PP2D1: variants seen among roughly 807,000 people sequenced by gnomAD.
The protein encoded by PP2D1 is protein phosphatase 2C-like domain-containing protein 1.
In PP2D1, 25 loss-of-function variants were observed where a neutral mutation model predicts 30.2. That is an observed-to-expected ratio of 0.83 (90% CI 0.60 to 1.16). The LOEUF is 1.16. PP2D1 is among the 50% of genes most tolerant of loss of function. The pLI is 0.00. For missense variants in PP2D1, 760 were observed against 742.4 expected (o/e 1.02, Z -0.28); for synonymous variants, 260 against 258.9 (o/e 1.00, Z -0.04).
intron 2 of PP2D1, chr3:19,996,845 A>T (rs1320086224): frequency 6.6e-6 from 1 of 152,198 alleles, no homozygotes; most frequent in Admixed American, 6.5e-5. Flanking sequence ...AGGTTTAGCC[A>T]CGTTGTGATT....
In PP2D1 at chr3:19,986,116, C is replaced by T. The variant is rs1448034664; in HGVS notation, c.1157G>A (p.Arg386Gln). 8.5e-6 allele frequency: 13 copies of T among 1,535,622 alleles called. No individual in the cohort carries two copies. The highest frequency in any genetic ancestry group is 2.7e-5 in the African/African-American group (2 of 73,136). ...TATTCTTCTTCTTTCATTTGTGTTT[C>T]GTGTAGTATGTTCTTTGGTTAGGCA... The part of the protein sequence containing the change: ...GFCLTKEHTT[R>Q]NTNERRRILQ... Residue 386 changes from arginine (R) to glutamine (Q), a missense_variant, in exon 3 of 3, where the codon CGA (arginine) becomes CAA (glutamine). Physicochemically the swap from Arg to Gln is conservative, Grantham distance 43. Around this residue, in one of 3 missense-constraint regions of PP2D1, gnomAD observed 369 missense variants for 316.2 expected, o/e 1.17. Coordinates refer to ENST00000389050, the MANE Select transcript of PP2D1 (RefSeq NM_001252657.2).
At chr3:19,998,800 C>A (rs1300899597) in intron 2 of PP2D1, among the ~76,000 whole-genome samples, 2 of 151,984 alleles carry the variant, frequency 1.3e-5, no homozygotes, top group African/African-American at 4.8e-5. Context: ...ATAATTAATC[C>A]TGTTCTATAA....
chr3:19,981,613 CAA>C (rs11307995), downstream of PP2D1, among the ~76,000 whole-genome samples: 263 of 138,986 alleles, frequency 1.9e-3, no homozygotes, highest in Non-Finnish European at 2.8e-3. Context: ...GACTCCGCCT[CAA>C]AAAAAAAAAA....
At chr3:19,995,933 TATAAC>T (rs749259078) in intron 2 of PP2D1, among the ~76,000 whole-genome samples, 2 of 152,074 alleles carry the variant, frequency 1.3e-5, no homozygotes, top group South Asian at 4.1e-4. Flanking sequence ...AAAATCAAAA[TATAAC>T]ATACCAAAAC....
intron 1 of PP2D1, among the ~76,000 whole-genome samples, chr3:20,004,935 C>T (rs1050863931): frequency 2.1e-4 from 32 of 151,876 alleles, no homozygotes; most frequent in African/African-American, 7.2e-4. Context: ...AGTGAGGCCT[C>T]GTCTCTATTA....
At chr3:20,002,781 C>T (rs776665171) in intron 1 of PP2D1, among the ~76,000 whole-genome samples, 1 of 152,004 alleles carries the variant, frequency 6.6e-6, no homozygotes, top group Non-Finnish European at 1.5e-5. Context: ...CTAGTTCGGG[C>T]GCGGTGGCTC....
intron 2 of PP2D1, among the ~76,000 whole-genome samples, chr3:19,999,390 T>C (rs1697224367): frequency 6.6e-6 from 1 of 150,742 alleles, no homozygotes; most frequent in East Asian, 2.0e-4. Context: ...TTTTATTTTT[T>C]ATTTTTTTGG....
At chr3:19,987,755 C>CA (rs1402046684) in intron 2 of PP2D1, among the ~76,000 whole-genome samples, 1 of 152,094 alleles carries the variant, frequency 6.6e-6, no homozygotes, top group Non-Finnish European at 1.5e-5. Context: ...ACTAAAAACA[C>CA]AAAAAAATTA....
Position 19,992,822 on chromosome 3 carries a change from G to T in PP2D1, c.1091-6640C>A, listed in dbSNP as rs73819081. Among the ~76,000 whole-genome samples, 612 of 152,244 alleles carry T rather than the reference G, an allele frequency of 4.0e-3. 6 individuals carry two copies. Among genetic ancestry groups the T allele is most frequent in the African/African-American group, 0.012 (519 of 41,524 alleles). On this transcript the variant is annotated intron_variant, in intron 2 of 2. Transcript: ENST00000389050. Reference sequence around the variant, plus strand: ...ACAGATTTTGAAGATTAGATGAAAGGAGTGACGTGGCAATCTTGAGAAGGG... The same window carrying T: ...ACAGATTTTGAAGATTAGATGAAAGTAGTGACGTGGCAATCTTGAGAAGGG...
At position 19,990,791 on chromosome 3, in the gene PP2D1, C is replaced by T. The variant is rs1269475549; in HGVS notation, c.1091-4609G>A. 6.6e-5 allele frequency among the ~76,000 whole-genome samples: 10 copies of T among 150,538 alleles called. No individual in the cohort carries two copies. In the East Asian group the frequency reaches 1.9e-3, roughly 29 times the overall value. ...TTTTTGCGGAGTCTTGCTCTGTTGC[C>T]CAGGCTGGAGTGCAGTGGCGCGATC... On this transcript the variant is annotated intron_variant, in intron 2 of 2. Coordinates refer to ENST00000389050, the MANE Select transcript of PP2D1 (RefSeq NM_001252657.2).
chr3:19,980,538 C>T (rs560865224), downstream of PP2D1, among the ~76,000 whole-genome samples: 46 of 151,702 alleles, frequency 3.0e-4, no homozygotes, highest in South Asian at 9.6e-3. Context: ...CTAATCAATG[C>T]AAGGACTAAA....
intron 1 of PP2D1, among the ~76,000 whole-genome samples, chr3:20,007,556 G>A (rs9838300): frequency 0.16 from 24,251 of 152,072 alleles, 2,113 homozygotes; most frequent in Non-Finnish European, 0.21. Flanking sequence ...ATCACCTGAG[G>A]TCAGAAGTTC....
chr3:19,988,088 A>G (rs1697064991), intron 2 of PP2D1, among the ~76,000 whole-genome samples: 1 of 152,170 alleles, frequency 6.6e-6, no homozygotes, highest in African/African-American at 2.4e-5. Flanking sequence ...TTGTTCATAA[A>G]CCATGTGTGT....
chr3:19,985,560 TGGTC>T lies in PP2D1; in HGVS notation c.1709_1712del (p.Arg570LysfsTer4). 1 of 1,536,098 alleles carries T rather than the reference TGGTC, an allele frequency of 6.5e-7. No homozygotes were observed. Among genetic ancestry groups the T allele is most frequent in the East Asian group, 2.4e-5 (1 of 40,914 alleles). On this transcript the variant is annotated frameshift_variant, in exon 3 of 3. Transcript: ENST00000389050. LOFTEE classifies it low-confidence loss of function (END_TRUNC). Reference sequence around the variant, plus strand: ...TTGTTGCCACATCATTTACACTAGTTGGTCTGTCAGTTACTTTTTCACTGCAAGG... The same window carrying T: ...TTGTTGCCACATCATTTACACTAGTTTGTCAGTTACTTTTTCACTGCAAGG...
chr3:19,990,322 T>G (rs1039434002), intron 2 of PP2D1, among the ~76,000 whole-genome samples: 4 of 152,192 alleles, frequency 2.6e-5, no homozygotes, highest in Non-Finnish European at 5.9e-5. Context: ...TTTCTGCATT[T>G]TTTTGTAGAG....
chr3:19,982,801 T>G (rs1416779922), downstream of PP2D1, among the ~76,000 whole-genome samples: 1 of 151,682 alleles, frequency 6.6e-6, no homozygotes, highest in Non-Finnish European at 1.5e-5. Context: ...ATAGATGTTT[T>G]AAGGCCAAAG....
In PP2D1 at chr3:20,012,066, T is replaced by C. The variant is rs1182271933; in HGVS notation, c.7A>G (p.Thr3Ala). 27 of 1,532,232 alleles carry C rather than the reference T, an allele frequency of 1.8e-5. No homozygotes were observed. Among genetic ancestry groups the C allele is most frequent in the Middle Eastern group, 1.7e-4 (1 of 5,998 alleles). The allele number at this position is 1,532,232 out of a possible 1,614,324, so 94.9% of individuals were successfully genotyped here. ...AAAGTTTACCTTAAAGCATTATTGG[T>C]GCTCATGTTCCTTTGGAATTACCTT... is the stretch of plus-strand genomic sequence containing the variant. MS[T>A]NNALRVFWKS... The change falls in exon 1 of 3, where the codon ACC (threonine) becomes GCC (alanine). Residue 3 changes from threonine (T) to alanine (A), a missense_variant. Thr to Ala is a moderately conservative substitution (Grantham distance 58). Around this residue, in one of 3 missense-constraint regions of PP2D1, gnomAD observed 374 missense variants for 388.8 expected, o/e 0.96. Transcript: ENST00000389050.
At chr3:19,994,401 T>C (rs545133000) in intron 2 of PP2D1, among the ~76,000 whole-genome samples, 1 of 152,226 alleles carries the variant, frequency 6.6e-6, no homozygotes, top group Admixed American at 6.5e-5. Flanking sequence ...GGAGGCCAAA[T>C]GGGAGGATCA....
Position 20,001,353 on chromosome 3 carries a change from C to G in PP2D1, c.767G>C (p.Arg256Thr). The change falls in exon 2 of 3, where the codon AGA becomes ACA. Residue 256 changes from arginine to threonine, a missense_variant. This residue lies in a region of PP2D1 where 374 missense variants were observed against 388.8 expected (regional missense o/e 0.96). Transcript: ENST00000389050. ...QIINSFYTVF[R>T]EEYAAIEDLF... Reference sequence around the variant, plus strand: ...GTCTTCTATTGCTGCGTATTCTTCTCTAAACACAGTGTAAAAGGAATTGAT... The same window carrying G: ...GTCTTCTATTGCTGCGTATTCTTCTGTAAACACAGTGTAAAAGGAATTGAT... The G allele has an allele frequency of 6.5e-7, 1 of 1,536,080 alleles. No individual in the cohort carries two copies. The highest frequency in any genetic ancestry group is 1.2e-5 in the South Asian group (1 of 84,016).
Sources: gnomAD v4.1 joint callset for allele counts (sites outside exome capture counted in the v4.1 genomes callset) on GRCh38, gnomAD v4.1.1 for gene constraint, gnomAD v4.1.1 regional missense constraint, MANE v1.5 for transcripts, NCBI Gene and HGNC (gene_info 2026-07-23, HGNC 2026-07-21) for gene names.